Variants in IFIH1 observed in about 807,000 individuals in gnomAD.
IFIH1 encodes the protein interferon-induced helicase C domain-containing protein 1.
Under a neutral mutation model 107.4 loss-of-function variants are expected in IFIH1, and 125 were observed. That is an observed-to-expected ratio of 1.16 (90% CI 1.01 to 1.35). IFIH1 has a LOEUF of 1.35. Among genes scored for constraint, IFIH1 ranks in the 40% most tolerant of loss-of-function variants. IFIH1 has a pLI of 0.00. For synonymous variants in IFIH1, 458 were observed against 413.2 expected (o/e 1.11, Z -1.31); for missense variants, 1,333 against 1,213.7 (o/e 1.10, Z -1.46).
At chr2:162,299,995 T>A (rs1683164831) in intron 3 of IFIH1, among the ~76,000 whole-genome samples, 1 of 152,212 alleles carries the variant, frequency 6.6e-6, no homozygotes, top group Non-Finnish European at 1.5e-5. Flanking sequence ...TATCTGATAT[T>A]CCTCATCTGG....
chr2:162,303,725 A>C (rs1023944250), intron 3 of IFIH1, among the ~76,000 whole-genome samples: 2 of 152,130 alleles, frequency 1.3e-5, no homozygotes, highest in African/African-American at 4.8e-5. Flanking sequence ...TTCACAAGAT[A>C]CATCTTTAAG....
At chr2:162,292,438 T>C (rs998092175) in intron 4 of IFIH1, among the ~76,000 whole-genome samples, 2 of 151,820 alleles carry the variant, frequency 1.3e-5, no homozygotes, top group African/African-American at 4.8e-5. Flanking sequence ...CTCAAACTAA[T>C]TTGTTCTAAG....
At position 162,288,185 on chromosome 2, in the gene IFIH1, T is replaced by C. The variant is rs2105208902; in HGVS notation, c.1045A>G (p.Lys349Glu). 1 of 1,612,718 alleles carries C rather than the reference T, an allele frequency of 6.2e-7. No individual in the cohort carries two copies. The change falls in exon 5 of 16, where the codon AAG becomes GAG. Residue 349 changes from lysine (K) to glutamate (E), a missense_variant. Coordinates refer to ENST00000649979, the MANE Select transcript of IFIH1 (RefSeq NM_022168.4). ...AVYIAKDHLD[K>E]KKKASEPGKV... ...CCAGGCTCAGATGCTTTTTTCTTCT[T>C]GTCTAAGTGATCCTTGGCAATGTAA...
chr2:162,279,790 A>G (rs1440387522), intron 8 of IFIH1, among the ~76,000 whole-genome samples: 2 of 152,168 alleles, frequency 1.3e-5, no homozygotes, highest in Non-Finnish European at 2.9e-5. Flanking sequence ...GCTATTCCTC[A>G]TGTAAATTAG....
intron 7 of IFIH1, 79 bp from the exon 8 acceptor site, chr2:162,280,191 T>TA (rs1682780530): frequency 7.7e-6 from 6 of 779,728 alleles, no homozygotes; most frequent in Admixed American, 4.5e-5. Context: ...CTTTTTCATG[T>TA]AAAAAATATG....
rs11885573 is a variant in IFIH1 at position 162,309,461 on chromosome 2, T to C, written c.622+1304A>G. ...GGCATTCTTTCCTTTCCCTGAAGAATAGTACACATTCACAGCCAAATAGCT... is the reference window on the plus strand; with the variant it reads ...GGCATTCTTTCCTTTCCCTGAAGAACAGTACACATTCACAGCCAAATAGCT... On this transcript the variant is annotated intron_variant, in intron 2 of 15. Transcript: ENST00000649979. Among the ~76,000 whole-genome samples, 686 of 152,364 alleles carry C rather than the reference T, an allele frequency of 4.5e-3. 8 individuals carry two copies. The highest frequency in any genetic ancestry group is 0.016 in the African/African-American group (650 of 41,586).
intron 7 of IFIH1, 133 bp from the exon 8 acceptor site, chr2:162,280,245 A>G (rs1179398421): frequency 6.5e-6 from 4 of 618,524 alleles, no homozygotes; most frequent in African/African-American, 1.9e-5. Flanking sequence ...AAATTTCATG[A>G]AAGTAATATG....
At chr2:162,284,222 T>A (rs1449462100) in intron 5 of IFIH1, among the ~76,000 whole-genome samples, 2 of 151,958 alleles carry the variant, frequency 1.3e-5, no homozygotes, top group African/African-American at 4.8e-5. Context: ...TCTAGAAGTA[T>A]TCTTTCCATT....
At chr2:162,292,016 A>C (rs928756940) in intron 4 of IFIH1, among the ~76,000 whole-genome samples, 1 of 151,858 alleles carries the variant, frequency 6.6e-6, no homozygotes, top group Admixed American at 6.6e-5. Context: ...CATGTGTTTC[A>C]TGCCACATTG....
intron 3 of IFIH1, among the ~76,000 whole-genome samples, chr2:162,294,287 G>T (rs74881754): frequency 0.03 from 4,549 of 151,964 alleles, 408 homozygotes; most frequent in Admixed American, 0.21. Flanking sequence ...AAAGAGTTAT[G>T]GTTAATATGG....
Position 162,281,534 on chromosome 2 carries a change from TG to T in IFIH1, c.1317del (p.Ile440LeufsTer19). 1.2e-6 allele frequency: 2 copies of T among 1,608,382 alleles called. No individual in the cohort carries two copies. The highest frequency in any genetic ancestry group is 1.7e-6 in the Non-Finnish European group (2 of 1,175,986). ...GTGTGATGACATTCATCAATGATAATGAGGGAAAAGTCTTAAAAGAAAATTC... is the reference window on the plus strand; with the variant it reads ...GTGTGATGACATTCATCAATGATAATAGGGAAAAGTCTTAAAAGAAAATTC... ...DAGVQLSDFS[L>X]IIIDECHHTN... On this transcript the variant is annotated frameshift_variant, in exon 7 of 16. Coordinates refer to ENST00000649979, the MANE Select transcript of IFIH1 (RefSeq NM_022168.4). LOFTEE classifies it high-confidence loss of function.
intron 3 of IFIH1, among the ~76,000 whole-genome samples, chr2:162,304,781 G>A (rs762488874): frequency 2.0e-5 from 3 of 152,152 alleles, no homozygotes; most frequent in Non-Finnish European, 4.4e-5. Context: ...GATTGAACAT[G>A]ATAATATTAT....
chr2:162,282,624 C>A, intron 5 of IFIH1, 48 bp from the exon 6 acceptor site: 1 of 1,294,860 alleles, frequency 7.7e-7, no homozygotes, highest in Non-Finnish European at 1.1e-6. Flanking sequence ...TTAGTCGAAG[C>A]CAAAAGAGTG....
At chr2:162,285,401 T>C (rs1287387291) in intron 5 of IFIH1, among the ~76,000 whole-genome samples, 1 of 152,002 alleles carries the variant, frequency 6.6e-6, no homozygotes, top group Non-Finnish European at 1.5e-5. Context: ...CAATACCTTG[T>C]TGTTGGGCCA....
chr2:162,276,903 A>G lies in IFIH1; in HGVS notation c.2088T>C (p.Tyr696=), dbSNP rs761764756. The change falls in exon 11 of 16, where the codon TAT becomes TAC. Residue 696 remains tyrosine, a synonymous_variant. Coordinates refer to ENST00000649979, the MANE Select transcript of IFIH1 (RefSeq NM_022168.4). ...TTAATTTGGTCAGCTTTTCATTTTCATATTCTGGGTTTTCAGCCAGCCTTT... is the reference window on the plus strand; with the variant it reads ...TTAATTTGGTCAGCTTTTCATTTTCGTATTCTGGGTTTTCAGCCAGCCTTT... ...MLKRLAENPE[Y]ENEKLTKLRN... 1.9e-6 allele frequency: 3 copies of G among 1,610,910 alleles called. No individual in the cohort carries two copies. In the South Asian group the frequency reaches 3.3e-5, roughly 18 times the overall value.
At chr2:162,276,232 T>C (rs1691152165) in intron 11 of IFIH1, among the ~76,000 whole-genome samples, 1 of 152,210 alleles carries the variant, frequency 6.6e-6, no homozygotes, top group Non-Finnish European at 1.5e-5. Flanking sequence ...TTTTATCCTG[T>C]AAATGTATTC....
At chr2:162,269,346 G>A (rs566562241) in intron 13 of IFIH1, among the ~76,000 whole-genome samples, 7 of 152,020 alleles carry the variant, frequency 4.6e-5, no homozygotes, top group Non-Finnish European at 5.9e-5. Flanking sequence ...AGCCATCTTC[G>A]ACCATGAGAA....
intron 5 of IFIH1, among the ~76,000 whole-genome samples, chr2:162,286,514 A>T (rs1440733078): frequency 6.6e-6 from 1 of 151,926 alleles, no homozygotes; most frequent in Non-Finnish European, 1.5e-5. Context: ...CTGTGACCAG[A>T]TAAGGGAAAT....
At position 162,317,877 on chromosome 2, in the gene IFIH1, A is replaced by G; in HGVS notation, c.431T>C (p.Leu144Ser). 1 of 1,591,256 alleles carries G rather than the reference A, an allele frequency of 6.3e-7. No homozygotes were observed. Among genetic ancestry groups the G allele is most frequent in the East Asian group, 2.2e-5 (1 of 44,730 alleles). ...VLDKCMEEEL[L>S]TIEDRNRIAA... ...TACCCGGTTTCTGTCTTCAATTGTC[A>G]ACAGTTCCTCCTCCATGCACTTATC... Residue 144 changes from leucine (L) to serine (S), a missense_variant, in exon 1 of 16, where the codon TTG (leucine) becomes TCG (serine). Coordinates refer to ENST00000649979, the MANE Select transcript of IFIH1 (RefSeq NM_022168.4).
Sources: allele counts gnomAD v4.1 joint callset (sites outside exome capture counted in the v4.1 genomes callset), GRCh38; gene constraint gnomAD v4.1.1; transcripts MANE v1.5; gene names NCBI Gene and HGNC (gene_info 2026-07-23, HGNC 2026-07-21).